The following ANK2 variants were observed in gnomAD, a reference collection of about 807,000 sequenced individuals.
ANK2 encodes ankyrin-2.
In ANK2, 83 loss-of-function variants were observed where a neutral mutation model predicts 360.5. The ratio of observed to expected loss-of-function variants is 0.23; its 90% CI spans 0.19 to 0.28. The LOEUF is 0.28. Ranked by LOEUF, ANK2 falls within the 10% of genes least tolerant of loss-of-function variation. The probability of loss-of-function intolerance (pLI) is 1.00; values close to 1 mark genes in which losing one functional copy is unlikely to be tolerated. For synonymous variants in ANK2, 1,740 were observed against 1,759.5 expected (o/e 0.99, Z 0.28); for missense variants, 4,201 against 4,795.7 (o/e 0.88, Z 3.66).
chr4:112,959,112 A>G (rs1368984617), intron 2 of ANK2, among the ~76,000 whole-genome samples: 1 of 152,094 alleles, frequency 6.6e-6, no homozygotes, highest in Non-Finnish European at 1.5e-5. Context: ...GGCCTCCCAA[A>G]GTGCTGGGAT....
chr4:112,900,835 G>A (rs1330569853), intron 1 of ANK2, among the ~76,000 whole-genome samples: 1 of 152,120 alleles, frequency 6.6e-6, no homozygotes, highest in African/African-American at 2.4e-5. Context: ...ACATTGCCTT[G>A]ATTTATAAAA....
intron 1 of ANK2, among the ~76,000 whole-genome samples, chr4:113,129,182 T>A (rs2095854472): frequency 6.6e-6 from 1 of 152,038 alleles, no homozygotes; most frequent in Non-Finnish European, 1.5e-5. Context: ...AGTAAATAAG[T>A]GGAGGAGAAG....
At chr4:113,117,946 T>A (rs555248900) in intron 1 of ANK2, among the ~76,000 whole-genome samples, 1 of 152,308 alleles carries the variant, frequency 6.6e-6, no homozygotes, top group African/African-American at 2.4e-5. Flanking sequence ...GAAGCTGCAC[T>A]AAGAATATTG....
upstream of ANK2, among the ~76,000 whole-genome samples, chr4:113,049,314 A>C (rs1267505982): frequency 6.6e-6 from 1 of 152,170 alleles, no homozygotes; most frequent in African/African-American, 2.4e-5. Flanking sequence ...ACATTCTAGA[A>C]TGTTACAGTT....
At chr4:113,077,516 A>C (rs2154344851) in intron 1 of ANK2, among the ~76,000 whole-genome samples, 1 of 152,322 alleles carries the variant, frequency 6.6e-6, no homozygotes, top group East Asian at 1.9e-4. Flanking sequence ...AGGTGGATGG[A>C]CTAAATGAAC....
rs367630171 is a variant in ANK2, at chr4:113,357,438, A to G, written c.8820A>G (p.Glu2940=). 1 of 1,614,016 alleles carries G rather than the reference A, an allele frequency of 6.2e-7. No individual in the cohort carries two copies. The highest frequency in any genetic ancestry group is 1.1e-5 in the South Asian group (1 of 91,086). The change falls in exon 38 of 46, where the codon GAA becomes GAG. Residue 2940 remains glutamate (E), a synonymous_variant. Transcript: ENST00000357077. ...CTTCCCAATCTTTTTTCTCTAGTGA[A>G]GAAAGCAAAACCCAAACAGATGCAA... ...NVPSQSFFSS[E]ESKTQTDANH...
intron 4 of ANK2, among the ~76,000 whole-genome samples, chr4:113,228,647 C>T (rs1166395566): frequency 2.0e-5 from 3 of 152,068 alleles, no homozygotes; most frequent in Non-Finnish European, 4.4e-5. Flanking sequence ...GCTATAAACA[C>T]GTGTGTGCAA....
chr4:112,878,828 G>A (rs1178603218), intron 1 of ANK2, among the ~76,000 whole-genome samples: 1 of 151,746 alleles, frequency 6.6e-6, no homozygotes, highest in East Asian at 1.9e-4. Context: ...GTAGAGACGG[G>A]GTTTCACCGT....
At chr4:113,053,596 G>T (rs993810132) in intron 1 of ANK2, among the ~76,000 whole-genome samples, 1 of 152,018 alleles carries the variant, frequency 6.6e-6, no homozygotes, top group Non-Finnish European at 1.5e-5. Flanking sequence ...ACTCTATAAA[G>T]ATTTTTATAT....
At chr4:113,230,502 G>T (rs998429997) in intron 4 of ANK2, among the ~76,000 whole-genome samples, 1 of 151,202 alleles carries the variant, frequency 6.6e-6, no homozygotes, top group African/African-American at 2.4e-5. Context: ...GTGACAGAGC[G>T]AGACTCCATC....
intron 1 of ANK2, among the ~76,000 whole-genome samples, chr4:113,066,499 T>A (rs957312673): frequency 2.0e-5 from 3 of 152,192 alleles, no homozygotes; most frequent in Non-Finnish European, 4.4e-5. Context: ...AACAAATACA[T>A]AAATAGATGA....
chr4:113,149,249 A>T (rs2096945757), intron 1 of ANK2: 2 of 152,144 alleles, frequency 1.3e-5, no homozygotes, highest in South Asian at 4.1e-4. Context: ...GTTTTTATTG[A>T]AAGATTTTTG....
chr4:113,234,282 G>T (rs2099353747), intron 5 of ANK2, among the ~76,000 whole-genome samples: 1 of 152,144 alleles, frequency 6.6e-6, no homozygotes, highest in African/African-American at 2.4e-5. Context: ...CTGATCCCCA[G>T]AAAGTTAAAA....
chr4:112,838,505 G>A (rs756429464), intron 1 of ANK2, among the ~76,000 whole-genome samples: 6 of 152,184 alleles, frequency 3.9e-5, no homozygotes, highest in Non-Finnish European at 5.9e-5. Flanking sequence ...TAGAGTGAAT[G>A]TTCCTCTCCT....
At position 113,289,221 on chromosome 4, in the gene ANK2, T is replaced by TC. The variant is rs1270704006; in HGVS notation, c.2277+735_2277+736insC. On this transcript the variant is annotated intron_variant, in intron 20 of 45. Coordinates refer to ENST00000357077, the MANE Select transcript of ANK2 (RefSeq NM_001148.6). ...ATATCAGAAATTTCTTTTTCTTTTT[T>TC]TTTTTTTTTTTTAAGACAGGGTCTT... Among the ~76,000 whole-genome samples, 19 of 150,742 alleles carry TC rather than the reference T, an allele frequency of 1.3e-4. No individual in the cohort carries two copies. In the East Asian group the frequency reaches 2.1e-3, roughly 17 times the overall value.
chr4:113,206,084 AAATTT>A (rs1485790663), intron 4 of ANK2, among the ~76,000 whole-genome samples: 1 of 152,036 alleles, frequency 6.6e-6, no homozygotes, highest in Non-Finnish European at 1.5e-5. Flanking sequence ...CTCTTTTTTA[AAATTT>A]AATTTAAATT....
intron 7 of ANK2, among the ~76,000 whole-genome samples, chr4:113,238,514 C>A (rs938804183): frequency 1.7e-4 from 26 of 152,208 alleles, no homozygotes; most frequent in African/African-American, 6.3e-4. Flanking sequence ...TCAGAGACAA[C>A]GGAAAGCCCA....
chr4:113,129,879 G>A (rs147069767), intron 1 of ANK2, among the ~76,000 whole-genome samples: 187 of 152,224 alleles, frequency 1.2e-3, no homozygotes, highest in Middle Eastern at 6.8e-3. Flanking sequence ...ATTTGTTGGT[G>A]ATATTAACTA....
chr4:113,235,474 G>A (rs1376543092), intron 5 of ANK2, among the ~76,000 whole-genome samples: 1 of 152,186 alleles, frequency 6.6e-6, no homozygotes, highest in Non-Finnish European at 1.5e-5. Flanking sequence ...GAAAAAAATG[G>A]AGTAGTTAAA....
Sources: gnomAD v4.1 joint callset for allele counts (sites outside exome capture counted in the v4.1 genomes callset) on GRCh38, gnomAD v4.1.1 for gene constraint, MANE v1.5 for transcripts, NCBI Gene and HGNC (gene_info 2026-07-23, HGNC 2026-07-21) for gene names.